CCNK: variants seen among roughly 807,000 people sequenced by gnomAD.
CCNK encodes cyclin K.
In CCNK, 9 loss-of-function variants were observed where a neutral mutation model predicts 65.0. That is an observed-to-expected ratio of 0.14 (90% CI 0.08 to 0.24). The LOEUF is 0.24. Ranked by LOEUF, CCNK falls within the 10% of genes least tolerant of loss-of-function variation. The pLI is 1.00. For missense variants in CCNK, 474 were observed against 720.0 expected (o/e 0.66, Z 3.91); for synonymous variants, 279 against 270.8 (o/e 1.03, Z -0.30).
chr14:99,503,072 A>G (rs1398960280), intron 8 of CCNK, 88 bp downstream of exon 8: 7 of 1,425,340 alleles, frequency 4.9e-6, no homozygotes, highest in Non-Finnish European at 5.9e-6. Context: ...AAGCGAGCAC[A>G]GGGAACACCG....
Position 99,507,103 on chromosome 14 carries a change from T to C in CCNK, c.1073T>C (p.Ile358Thr), listed in dbSNP as rs1220922392. 5 of 1,612,210 alleles carry C rather than the reference T, an allele frequency of 3.1e-6. No homozygotes were observed. The highest frequency in any genetic ancestry group is 1.7e-5 in the Admixed American group (1 of 60,016). Reference sequence around the variant, plus strand: ...CCACCACCACCTAAAATCCCCAAAATTGAGACCACTCATCCACCGTTGCCT... The same window carrying C: ...CCACCACCACCTAAAATCCCCAAAACTGAGACCACTCATCCACCGTTGCCT... Reference protein sequence around the residue: ...AEPPPPKIPKIETTHPPLPPA... With the variant: ...AEPPPPKIPKTETTHPPLPPA... The change falls in exon 10 of 11, where the codon ATT (isoleucine) becomes ACT (threonine). Residue 358 changes from isoleucine (I) to threonine (T), a missense_variant. Around this residue, in one of 6 missense-constraint regions of CCNK, gnomAD observed 229 missense variants for 275.5 expected, o/e 0.83. Coordinates refer to ENST00000389879, the MANE Select transcript of CCNK (RefSeq NM_001099402.2).
At chr14:99,501,035 G>GT (rs1297682710) in intron 5 of CCNK, 164 bp downstream of exon 5, 3 of 618,704 alleles carry the variant, frequency 4.8e-6, no homozygotes, top group African/African-American at 1.9e-5. Context: ...TGCTAATGCT[G>GT]TTTCCTTTTA....
chr14:99,488,426 G>A (rs191335481), intron 1 of CCNK, among the ~76,000 whole-genome samples: 6 of 152,268 alleles, frequency 3.9e-5, no homozygotes, highest in African/African-American at 7.2e-5. Context: ...TGAGTAGAGT[G>A]TCTCACCTTC....
intron 10 of CCNK, chr14:99,509,888 C>T: frequency 1.9e-6 from 1 of 526,292 alleles, no homozygotes; most frequent in Non-Finnish European, 3.3e-6. Context: ...GCTTCGGGTG[C>T]TGCCGAGACT....
chr14:99,500,688 C>A (rs996114021), intron 4 of CCNK, 78 bp from the exon 5 acceptor site: 6 of 917,738 alleles, frequency 6.5e-6, no homozygotes, highest in Non-Finnish European at 1.0e-5. Context: ...AATAAATAGA[C>A]AGGAAAGCTC....
At chr14:99,488,787 T>C (rs1027588235) in intron 1 of CCNK, among the ~76,000 whole-genome samples, 1 of 152,190 alleles carries the variant, frequency 6.6e-6, no homozygotes, top group Non-Finnish European at 1.5e-5. Flanking sequence ...TCTCTATATG[T>C]ATTAATATTA....
intron 10 of CCNK, chr14:99,509,838 T>C (rs1202731957): frequency 1.7e-5 from 7 of 413,312 alleles, no homozygotes; most frequent in Non-Finnish European, 4.3e-6. Flanking sequence ...CCCACACGTT[T>C]TGCACTAGGA....
At chr14:99,492,973 T>C in intron 2 of CCNK, 99 bp downstream of exon 2, 1 of 983,432 alleles carries the variant, frequency 1.0e-6, no homozygotes, top group Admixed American at 3.5e-5. Context: ...AATTTCTCTG[T>C]ACCAGAGCAG....
intron 1 of CCNK, among the ~76,000 whole-genome samples, chr14:99,481,836 C>G (rs1896337287): frequency 6.6e-6 from 1 of 152,212 alleles, no homozygotes; most frequent in African/African-American, 2.4e-5. Context: ...CATATCTCCC[C>G]GATTATTTCG....
intron 1 of CCNK, among the ~76,000 whole-genome samples, chr14:99,490,424 G>A (rs1896573804): frequency 6.6e-6 from 1 of 152,088 alleles, no homozygotes; most frequent in Non-Finnish European, 1.5e-5. Context: ...GTTTACATTG[G>A]GGAAGCTAAG....
chr14:99,499,729 T>C (rs944819685), intron 4 of CCNK, among the ~76,000 whole-genome samples: 1 of 152,164 alleles, frequency 6.6e-6, no homozygotes, highest in Non-Finnish European at 1.5e-5. Context: ...CCATTAACGA[T>C]AGCAACAGTA....
At chr14:99,488,296 G>A (rs1362680431) in intron 1 of CCNK, among the ~76,000 whole-genome samples, 1 of 149,706 alleles carries the variant, frequency 6.7e-6, no homozygotes, top group Non-Finnish European at 1.5e-5. Context: ...AAAAAAAGCA[G>A]GATCTAATCA....
Position 99,507,127 on chromosome 14 carries a change from C to G in CCNK, c.1097C>G (p.Pro366Arg). Residue 366 changes from proline to arginine, a missense_variant, in exon 10 of 11, where the codon CCT becomes CGT. By Grantham distance (103) the Pro-to-Arg change is moderately radical. Around this residue, in one of 6 missense-constraint regions of CCNK, gnomAD observed 229 missense variants for 275.5 expected, o/e 0.83. Transcript: ENST00000389879. ...PKIETTHPPL[P>R]PAHPPPDRKP... The stretch of plus-strand genomic sequence containing the variant: ...ATTGAGACCACTCATCCACCGTTGC[C>G]TCCAGCCCACCCACCTCCAGGTAAG... 5 of 1,609,226 alleles carry G rather than the reference C, an allele frequency of 3.1e-6. No individual in the cohort carries two copies. Among genetic ancestry groups the G allele is most frequent in the Non-Finnish European group, 4.3e-6 (5 of 1,175,584 alleles).
chr14:99,489,535 A>ATAAG (rs551136341), intron 1 of CCNK, among the ~76,000 whole-genome samples: 5 of 152,230 alleles, frequency 3.3e-5, no homozygotes, highest in Admixed American at 2.6e-4. Flanking sequence ...TGACTCTAAA[A>ATAAG]TAAGTAAGTA....
At chr14:99,495,428 C>T (rs1896680441) in intron 3 of CCNK, 70 bp from the exon 4 acceptor site, 2 of 1,467,966 alleles carry the variant, frequency 1.4e-6, no homozygotes, top group South Asian at 1.4e-5. Flanking sequence ...TTACGAAGGC[C>T]AAAATTTATT....
In CCNK at chr14:99,500,757, G is replaced by A; in HGVS notation, c.412-9G>A. 3.3e-6 allele frequency: 5 copies of A among 1,520,640 alleles called. No individual in the cohort carries two copies. The highest frequency in any genetic ancestry group is 4.5e-6 in the Non-Finnish European group (5 of 1,116,214). 94.2% of individuals were successfully genotyped at this position (1,520,640 alleles called of 1,614,324 possible). On this transcript the variant is annotated splice_polypyrimidine_tract_variant and intron_variant, in intron 4 of 10. Coordinates refer to ENST00000389879, the MANE Select transcript of CCNK (RefSeq NM_001099402.2). The stretch of plus-strand genomic sequence containing the variant: ...AATTACTGTCCTAACATTTGTGATT[G>A]ATTTTTAGGAGGAAGTAATGGTTCT...
At chr14:99,502,648 AT>A in intron 7 of CCNK, 70 bp from the exon 8 acceptor site, 2 of 1,454,552 alleles carry the variant, frequency 1.4e-6, no homozygotes, top group Non-Finnish European at 1.9e-6. Flanking sequence ...ATCATAACTG[AT>A]TCTTTATCCA....
At chr14:99,497,482 A>G (rs887407610) in intron 4 of CCNK, among the ~76,000 whole-genome samples, 7 of 152,356 alleles carry the variant, frequency 4.6e-5, no homozygotes, top group South Asian at 2.1e-4. Context: ...AGCAAAGACT[A>G]TCTGTTTTGT....
chr14:99,502,475 A>T, intron 7 of CCNK, 99 bp downstream of exon 7: 1 of 1,466,520 alleles, frequency 6.8e-7, no homozygotes, highest in Non-Finnish European at 9.1e-7. Flanking sequence ...CCAGATAGAC[A>T]TATGTGAGCA....
Sources: allele counts gnomAD v4.1 joint callset (sites outside exome capture counted in the v4.1 genomes callset), GRCh38; gene constraint gnomAD v4.1.1; regional missense constraint gnomAD v4.1.1; transcripts MANE v1.5; gene names NCBI Gene and HGNC (gene_info 2026-07-23, HGNC 2026-07-21).